LAMA2: variants seen among roughly 807,000 people sequenced by gnomAD.
LAMA2 encodes the protein laminin subunit alpha 2, also known as laminin subunit alpha-2.
Under a neutral mutation model 364.8 loss-of-function variants are expected in LAMA2, and 269 were observed. The observed-to-expected ratio is 0.74, with a 90% CI of 0.67 to 0.82. The LOEUF (loss-of-function observed/expected upper bound fraction) is 0.82. Among genes scored for constraint, LAMA2 ranks in the 40% least tolerant of loss-of-function variants. The probability of loss-of-function intolerance (pLI) is 0.00; values close to 1 mark genes in which losing one functional copy is unlikely to be tolerated. For missense variants in LAMA2, 3,807 were observed against 3,873.2 expected (o/e 0.98, Z 0.45); for synonymous variants, 1,379 against 1,370.6 (o/e 1.01, Z -0.14).
At chr6:129,264,394 G>C (rs1247612656) in intron 15 of LAMA2, among the ~76,000 whole-genome samples, 2 of 151,802 alleles carry the variant, frequency 1.3e-5, no homozygotes, top group Non-Finnish European at 2.9e-5. Flanking sequence ...GTGGGGGGGT[G>C]GGGGCATGGA....
intron 34 of LAMA2, among the ~76,000 whole-genome samples, chr6:129,377,607 G>T (rs1778447835): frequency 6.6e-6 from 1 of 152,136 alleles, no homozygotes; most frequent in Admixed American, 6.5e-5. Context: ...GGTAATATTG[G>T]AAGATGACCC....
intron 10 of LAMA2, among the ~76,000 whole-genome samples, chr6:129,188,962 T>C (rs1781379820): frequency 1.3e-5 from 2 of 152,046 alleles, no homozygotes; most frequent in South Asian, 4.1e-4. Context: ...GCTCGTACTA[T>C]GCGTATAGCA....
chr6:128,942,634 TGATGCTTCTGTA>T (rs1010343553), intron 1 of LAMA2, among the ~76,000 whole-genome samples: 1 of 152,214 alleles, frequency 6.6e-6, no homozygotes, highest in Non-Finnish European at 1.5e-5. Flanking sequence ...TTCTTCTAGT[TGATGCTTCTGTA>T]GAATAAAAAA....
intron 55 of LAMA2, among the ~76,000 whole-genome samples, chr6:129,483,836 A>G (rs77054158): frequency 6.6e-6 from 1 of 152,214 alleles, no homozygotes; most frequent in Non-Finnish European, 1.5e-5. Flanking sequence ...ATTTGACAAT[A>G]AGTGGCATTG....
chr6:129,055,789 T>C (rs2114787310), intron 2 of LAMA2, among the ~76,000 whole-genome samples: 1 of 152,366 alleles, frequency 6.6e-6, no homozygotes, highest in African/African-American at 2.4e-5. Context: ...GTTTACCTCA[T>C]CAGCGATTCC....
At position 129,516,329 on chromosome 6, in the gene LAMA2, A is replaced by G. The variant is rs765925469; in HGVS notation, c.9351A>G (p.Val3117=). The change falls in exon 65 of 65, where the codon GTA becomes GTG. Residue 3117 remains valine, a synonymous_variant. Transcript: ENST00000421865. The part of the protein sequence containing the change: ...KALELRGVQP[V]SCPAN ...TGGAACTGAGGGGCGTTCAACCTGT[A>G]TCATGCCCAGCCAACTAATAAAAAT... is the stretch of plus-strand genomic sequence containing the variant. 6.2e-7 allele frequency: 1 copy of G among 1,614,108 alleles called. No individual in the cohort carries two copies. Among genetic ancestry groups the G allele is most frequent in the East Asian group, 2.2e-5 (1 of 44,850 alleles).
chr6:129,453,325 G>A (rs926166311), intron 46 of LAMA2, among the ~76,000 whole-genome samples, 194 bp downstream of exon 46: 1 of 152,084 alleles, frequency 6.6e-6, no homozygotes, highest in Non-Finnish European at 1.5e-5. Flanking sequence ...ATGAAAGGAA[G>A]AAAACTACAG....
chr6:129,231,585 T>G (rs372074443), intron 12 of LAMA2, among the ~76,000 whole-genome samples: 31 of 152,252 alleles, frequency 2.0e-4, no homozygotes, highest in African/African-American at 7.2e-4. Context: ...CCATTCATGT[T>G]GACATTGAAT....
At chr6:129,310,125 T>G (rs1171438616) in intron 22 of LAMA2, among the ~76,000 whole-genome samples, 2 of 151,870 alleles carry the variant, frequency 1.3e-5, no homozygotes, top group Non-Finnish European at 2.9e-5. Context: ...GGTCTCGATC[T>G]CCTGACCTCG....
At chr6:129,487,902 T>C (rs1170908102) in intron 56 of LAMA2, among the ~76,000 whole-genome samples, 4 of 152,202 alleles carry the variant, frequency 2.6e-5, no homozygotes, top group Non-Finnish European at 5.9e-5. Flanking sequence ...AACTGAATGC[T>C]CTCATTTGAA....
intron 1 of LAMA2, chr6:128,929,437 G>C (rs931082987): frequency 6.6e-5 from 56 of 845,620 alleles, no homozygotes; most frequent in Non-Finnish European, 9.6e-5. Context: ...TTTGGAGAAG[G>C]AGTGGACGGT....
At chr6:129,195,203 G>T (rs746871144) in intron 12 of LAMA2, among the ~76,000 whole-genome samples, 1 of 152,078 alleles carries the variant, frequency 6.6e-6, no homozygotes, top group African/African-American at 2.4e-5. Flanking sequence ...TGGTTATAAG[G>T]CTTCTTCTAA....
chr6:129,494,317 G>C (rs1274389340), intron 58 of LAMA2, among the ~76,000 whole-genome samples: 3 of 152,224 alleles, frequency 2.0e-5, no homozygotes, highest in African/African-American at 7.2e-5. Context: ...TCAATGAGAG[G>C]CCAGATAACC....
intron 4 of LAMA2, among the ~76,000 whole-genome samples, chr6:129,109,971 A>T (rs950781099): frequency 1.3e-5 from 2 of 152,034 alleles, no homozygotes; most frequent in African/African-American, 4.8e-5. Context: ...TTTTGATCCA[A>T]AAAAACTTCA....
At chr6:129,090,043 G>T (rs978075168) in intron 3 of LAMA2, among the ~76,000 whole-genome samples, 9 of 152,142 alleles carry the variant, frequency 5.9e-5, no homozygotes, top group Non-Finnish European at 1.2e-4. Context: ...CTCCGTAAGA[G>T]CAAGCACTAA....
At chr6:129,022,101 A>C (rs1474543211) in intron 1 of LAMA2, among the ~76,000 whole-genome samples, 3 of 152,206 alleles carry the variant, frequency 2.0e-5, no homozygotes, top group Admixed American at 1.3e-4. Context: ...CTGAGTGGTG[A>C]AGACTAAGTG....
chr6:129,067,746 C>G (rs1382041432), intron 3 of LAMA2, among the ~76,000 whole-genome samples: 1 of 152,184 alleles, frequency 6.6e-6, no homozygotes, highest in Non-Finnish European at 1.5e-5. Flanking sequence ...CCCGCTATGT[C>G]TTGAACACTC....
intron 12 of LAMA2, among the ~76,000 whole-genome samples, chr6:129,200,913 A>C (rs891072291): frequency 6.6e-5 from 10 of 152,210 alleles, no homozygotes; most frequent in African/African-American, 2.4e-4. Flanking sequence ...CACATTATAC[A>C]TAAAAATAAA....
In LAMA2 at chr6:129,435,288, G is replaced by A. The variant is rs551870011; in HGVS notation, c.5969-3358G>A. Among the ~76,000 whole-genome samples the A allele has an allele frequency of 2.2e-4, 33 of 152,260 alleles. 1 individual carries two copies. The South Asian group carries it at 6.4e-3, about 30-fold the overall frequency. ...AATTTCTACAGTTCCATTTTCTTAA[G>A]TGTTGAAGACTTTCAAGCTAATATC... On this transcript the variant is annotated intron_variant, in intron 41 of 64. Transcript: ENST00000421865.
Sources: allele counts gnomAD v4.1 joint callset (sites outside exome capture counted in the v4.1 genomes callset), GRCh38; gene constraint gnomAD v4.1.1; transcripts MANE v1.5; gene names NCBI Gene and HGNC (gene_info 2026-07-23, HGNC 2026-07-21).